Variants in LMBR1 observed in about 807,000 individuals in gnomAD.
The protein encoded by LMBR1 is limb development membrane protein 1.
Under a neutral mutation model 73.9 loss-of-function variants are expected in LMBR1, and 52 were observed. The ratio of observed to expected loss-of-function variants is 0.70; its 90% CI spans 0.56 to 0.89. The LOEUF (loss-of-function observed/expected upper bound fraction) is 0.89, where lower values mean the gene tolerates loss of function less well. Ranked by LOEUF, LMBR1 falls within the 40% of genes least tolerant of loss-of-function variation. LMBR1 has a pLI of 0.00. For missense variants in LMBR1, 539 were observed against 579.8 expected, an observed-to-expected ratio of 0.93 and a Z score of 0.72; for synonymous variants, 215 against 209.4, an observed-to-expected ratio of 1.03 and a Z score of -0.23.
In LMBR1 at chr7:156,688,205, A is replaced by G; in HGVS notation, c.1226-14T>C. Reference sequence around the variant, plus strand: ...ATCTAGTGATTCCTGTTAAAAATAAATAAAATAGCCCTTAATGAAATCAGG... The same window carrying G: ...ATCTAGTGATTCCTGTTAAAAATAAGTAAAATAGCCCTTAATGAAATCAGG... On this transcript the variant is annotated splice_polypyrimidine_tract_variant and intron_variant, in intron 15 of 16. Coordinates refer to ENST00000353442, the MANE Select transcript of LMBR1 (RefSeq NM_022458.4). 6.4e-7 allele frequency: 1 copy of G among 1,572,702 alleles called. No homozygotes were observed. The highest frequency in any genetic ancestry group is 1.4e-5 in the African/African-American group (1 of 72,932).
intron 5 of LMBR1, among the ~76,000 whole-genome samples, chr7:156,787,089 T>C (rs1383285797): frequency 6.6e-6 from 1 of 152,196 alleles, no homozygotes; most frequent in East Asian, 1.9e-4. Context: ...GAGCTAAGGC[T>C]GACAGTCTTC....
chr7:156,790,492 T>C (rs1379634908), intron 5 of LMBR1, among the ~76,000 whole-genome samples: 4 of 152,012 alleles, frequency 2.6e-5, no homozygotes, highest in Non-Finnish European at 5.9e-5. Context: ...GCCACTGTTA[T>C]GCAAATAAAG....
At chr7:156,720,534 C>A (rs987790991) in intron 15 of LMBR1, among the ~76,000 whole-genome samples, 1 of 152,004 alleles carries the variant, frequency 6.6e-6, no homozygotes, top group African/African-American at 2.4e-5. Context: ...ACATTTGGCA[C>A]AAAACATTTT....
intron 16 of LMBR1, among the ~76,000 whole-genome samples, chr7:156,686,068 G>C (rs560107725): frequency 9.2e-5 from 14 of 152,318 alleles, no homozygotes; most frequent in African/African-American, 3.1e-4. Context: ...TTGAGGAAGT[G>C]TGCTAAAATC....
chr7:156,860,821 T>C (rs558589175), intron 1 of LMBR1, among the ~76,000 whole-genome samples: 6 of 152,348 alleles, frequency 3.9e-5, no homozygotes, highest in Admixed American at 1.3e-4. Context: ...AGCTCCAAAA[T>C]GGTCTCCTTT....
intron 9 of LMBR1, among the ~76,000 whole-genome samples, chr7:156,745,280 T>C (rs1302561547): frequency 6.6e-6 from 1 of 152,218 alleles, no homozygotes; most frequent in Non-Finnish European, 1.5e-5. Flanking sequence ...GAATTCTTAT[T>C]TGTCTCTCCC....
At chr7:156,728,075 T>A in intron 11 of LMBR1, 68 bp from the exon 12 acceptor site, 2 of 1,236,794 alleles carry the variant, frequency 1.6e-6, no homozygotes, top group Non-Finnish European at 2.3e-6. Context: ...AAAATCTAGG[T>A]AACCAAATAC....
chr7:156,717,776 A>C (rs1217530097), intron 15 of LMBR1, among the ~76,000 whole-genome samples: 1 of 152,222 alleles, frequency 6.6e-6, no homozygotes, highest in Non-Finnish European at 1.5e-5. Flanking sequence ...ATCAGAAAGA[A>C]GGAGAATGCC....
chr7:156,815,204 A>ACAC (rs1833726442), intron 4 of LMBR1, among the ~76,000 whole-genome samples: 1 of 151,742 alleles, frequency 6.6e-6, no homozygotes, highest in South Asian at 2.1e-4. Context: ...GTTCTGACAT[A>ACAC]CACCAGCATT....
At chr7:156,786,960 T>C (rs1019542683) in intron 5 of LMBR1, among the ~76,000 whole-genome samples, 6 of 152,322 alleles carry the variant, frequency 3.9e-5, no homozygotes, top group African/African-American at 1.4e-4. Flanking sequence ...TCAACTTTAA[T>C]GCTATTTTCT....
chr7:156,765,790 T>C (rs965216008), intron 5 of LMBR1, among the ~76,000 whole-genome samples: 1 of 152,134 alleles, frequency 6.6e-6, no homozygotes, highest in Non-Finnish European at 1.5e-5. Flanking sequence ...CTAAGAAATA[T>C]ATGAACTAAA....
chr7:156,880,930 A>G (rs984714152), intron 1 of LMBR1, among the ~76,000 whole-genome samples: 1 of 152,098 alleles, frequency 6.6e-6, no homozygotes, highest in African/African-American at 2.4e-5. Context: ...TGGGACTTCA[A>G]GCATGAGCCA....
intron 9 of LMBR1, among the ~76,000 whole-genome samples, chr7:156,743,332 TTCTCC>T (rs1327906861): frequency 6.6e-6 from 1 of 152,216 alleles, no homozygotes; most frequent in African/African-American, 2.4e-5. Flanking sequence ...TATTGTGATT[TTCTCC>T]TCTCAACTTC....
chr7:156,686,298 CTAG>C (rs1194188655), intron 16 of LMBR1, among the ~76,000 whole-genome samples: 2 of 152,038 alleles, frequency 1.3e-5, no homozygotes, highest in East Asian at 3.9e-4. Context: ...AGCTAAATTT[CTAG>C]TGTTTACTAT....
chr7:156,804,159 T>A (rs112059520), intron 4 of LMBR1, among the ~76,000 whole-genome samples: 4,842 of 151,880 alleles, frequency 0.032, 124 homozygotes, highest in South Asian at 0.085. Context: ...TAAAATAAAA[T>A]AAAAAAAAGA....
intron 4 of LMBR1, among the ~76,000 whole-genome samples, chr7:156,808,322 A>C (rs183794502): frequency 6.6e-6 from 1 of 152,164 alleles, no homozygotes; most frequent in African/African-American, 2.4e-5. Flanking sequence ...TGGGTGAACA[A>C]ACCACTTCAA....
chr7:156,843,580 TC>T (rs1254834443), intron 1 of LMBR1, among the ~76,000 whole-genome samples: 5 of 152,128 alleles, frequency 3.3e-5, no homozygotes, highest in Non-Finnish European at 7.3e-5. Context: ...GTGCAGTGGC[TC>T]CCGTCTGTAA....
intron 15 of LMBR1, among the ~76,000 whole-genome samples, chr7:156,715,986 T>C (rs1813120972): frequency 6.6e-6 from 1 of 152,198 alleles, no homozygotes; most frequent in South Asian, 2.1e-4. Context: ...GTTCATCTAT[T>C]CTAGAACACA....
At chr7:156,705,712 A>C (rs78957884) in intron 15 of LMBR1, among the ~76,000 whole-genome samples, 5,751 of 152,324 alleles carry the variant, frequency 0.038, 154 homozygotes, top group Non-Finnish European at 0.057. Flanking sequence ...CAAAGTCCTA[A>C]ATGTGGAAAC....
Sources: gnomAD v4.1 joint callset for allele counts (sites outside exome capture counted in the v4.1 genomes callset) on GRCh38, gnomAD v4.1.1 for gene constraint, MANE v1.5 for transcripts, NCBI Gene and HGNC (gene_info 2026-07-23, HGNC 2026-07-21) for gene names.